Variants in AK8 observed in about 807,000 individuals in gnomAD.
AK8 encodes the protein ATP-AMP transphosphorylase 8.
Under a neutral mutation model 54.6 loss-of-function variants are expected in AK8, and 44 were observed. The observed-to-expected ratio is 0.81, with a 90% CI of 0.63 to 1.04. The LOEUF (loss-of-function observed/expected upper bound fraction) is 1.04, where lower values mean the gene tolerates loss of function less well. AK8 is among the 50% of genes least tolerant of loss of function. The pLI is 0.00. For synonymous variants in AK8, 239 were observed against 245.6 expected (o/e 0.97, Z 0.25); for missense variants, 555 against 613.6 (o/e 0.90, Z 1.01).
chr9:132,727,310 G>T, intron 12 of AK8, 144 bp downstream of exon 12: 1 of 770,546 alleles, frequency 1.3e-6, no homozygotes, highest in Non-Finnish European at 2.2e-6. Context: ...AGAACAGCCA[G>T]TTGGATAAAG....
rs1363695062 is a variant in AK8, at chr9:132,727,550, C to G, written c.1122-16G>C. On this transcript the variant is annotated splice_polypyrimidine_tract_variant and intron_variant, in intron 11 of 12. Coordinates refer to ENST00000298545, the MANE Select transcript of AK8 (RefSeq NM_152572.3). ...GAAAAACACCCTATAAGGAAATAAA[C>G]CATATTAATAATGGTTTTTATTTCC... 6.2e-7 allele frequency: 1 copy of G among 1,606,680 alleles called. No homozygotes were observed. The highest frequency in any genetic ancestry group is 8.5e-7 in the Non-Finnish European group (1 of 1,173,340).
intron 5 of AK8, 60 bp downstream of exon 5, chr9:132,854,797 C>G (rs774731889): frequency 5.7e-5 from 90 of 1,575,152 alleles, no homozygotes; most frequent in Admixed American, 1.3e-4. Flanking sequence ...GAGATGAACA[C>G]ACGCCCTTCA....
chr9:132,805,031 G>T (rs1202906156), intron 10 of AK8, among the ~76,000 whole-genome samples: 2 of 152,196 alleles, frequency 1.3e-5, no homozygotes, highest in African/African-American at 4.8e-5. Flanking sequence ...CAGGAGCACA[G>T]CTCTAGCCAT....
chr9:132,776,557 A>G (rs1347486831), intron 11 of AK8, among the ~76,000 whole-genome samples: 1 of 152,212 alleles, frequency 6.6e-6, no homozygotes, highest in Non-Finnish European at 1.5e-5. Context: ...AAAAGCATGG[A>G]TGAGGCCGTC....
At position 132,781,562 on chromosome 9, in the gene AK8, AT is replaced by A. The variant is rs1839468669; in HGVS notation, c.1121+11071del. 6.6e-6 allele frequency among the ~76,000 whole-genome samples: 1 copy of A among 152,178 alleles called. No individual in the cohort carries two copies. The highest frequency in any genetic ancestry group is 1.5e-5 in the Non-Finnish European group (1 of 68,030). On this transcript the variant is annotated intron_variant, in intron 11 of 12. Coordinates refer to ENST00000298545, the MANE Select transcript of AK8 (RefSeq NM_152572.3). This position sits in a 1 kb window ranked among gnomAD's most constrained non-coding sequence, Gnocchi z 4.6. ...AGTGTGAATATATTTTAATAATAAAATTGATATATATGTAAATTTATTTTAA... is the reference window on the plus strand; with the variant it reads ...AGTGTGAATATATTTTAATAATAAAATGATATATATGTAAATTTATTTTAA...
intron 10 of AK8, among the ~76,000 whole-genome samples, chr9:132,808,920 A>G (rs1252829522): frequency 6.6e-6 from 1 of 152,132 alleles, no homozygotes; most frequent in Admixed American, 6.5e-5. Context: ...AAGACTCTAT[A>G]GTGCCTGGCT....
At chr9:132,827,218 T>C in intron 7 of AK8, 164 bp from the exon 8 acceptor site, 2 of 668,110 alleles carry the variant, frequency 3.0e-6, no homozygotes, top group Non-Finnish European at 5.3e-6. Flanking sequence ...CACTTCCAGC[T>C]ACTCTGAGCC....
intron 2 of AK8, among the ~76,000 whole-genome samples, chr9:132,870,664 T>G (rs755500825): frequency 3.9e-5 from 6 of 152,250 alleles, no homozygotes; most frequent in Non-Finnish European, 8.8e-5. Context: ...CCTCGTGTGC[T>G]CGCTCACCGG....
chr9:132,868,808 C>T (rs1434477405), intron 2 of AK8, among the ~76,000 whole-genome samples: 1 of 152,190 alleles, frequency 6.6e-6, no homozygotes, highest in Non-Finnish European at 1.5e-5. Flanking sequence ...TTTGTCACCA[C>T]CATTACTACT....
chr9:132,865,648 A>T (rs1483288294), intron 3 of AK8, among the ~76,000 whole-genome samples: 6 of 151,958 alleles, frequency 3.9e-5, no homozygotes, highest in African/African-American at 1.5e-4. Context: ...CCCCGTTTCT[A>T]CTAAAAATAC....
At chr9:132,797,472 T>C (rs992357082) in intron 10 of AK8, among the ~76,000 whole-genome samples, 3 of 152,158 alleles carry the variant, frequency 2.0e-5, no homozygotes, top group Non-Finnish European at 4.4e-5. Flanking sequence ...TTCCTCTCAG[T>C]CGTTCCATTC....
intron 5 of AK8, among the ~76,000 whole-genome samples, chr9:132,847,173 A>G (rs1005461668): frequency 1.3e-5 from 2 of 152,242 alleles, no homozygotes; most frequent in Non-Finnish European, 2.9e-5. Context: ...GCCCAGACAC[A>G]GCAGTTCCTG....
Position 132,803,603 on chromosome 9 carries a change from C to A in AK8, c.980-10828G>T, listed in dbSNP as rs1180844817. 1.3e-5 allele frequency among the ~76,000 whole-genome samples: 2 copies of A among 152,116 alleles called. No individual in the cohort carries two copies. Among genetic ancestry groups the A allele is most frequent in the Non-Finnish European group, 2.9e-5 (2 of 68,030 alleles). ...CAAATGGGATCCTAGGAAAGCTCGC[C>A]TTACAGATGGGAAAACTGAAGGGAG... On this transcript the variant is annotated intron_variant, in intron 10 of 12. Transcript: ENST00000298545. The surrounding 1 kb of genome is among the most constrained non-coding windows in gnomAD (Gnocchi z 4.4).
In AK8 at chr9:132,791,246, G is replaced by T. The variant is rs766019827; in HGVS notation, c.1121+1388C>A. Among the ~76,000 whole-genome samples, 3 of 152,152 alleles carry T rather than the reference G, an allele frequency of 2.0e-5. No individual in the cohort carries two copies. Among genetic ancestry groups the T allele is most frequent in the Non-Finnish European group, 4.4e-5 (3 of 68,016 alleles). On this transcript the variant is annotated intron_variant, in intron 11 of 12. Coordinates refer to ENST00000298545, the MANE Select transcript of AK8 (RefSeq NM_152572.3). This position sits in a 1 kb window ranked among gnomAD's most constrained non-coding sequence, Gnocchi z 4.0. Reference sequence around the variant, plus strand: ...GGAGAGAGACAGAGAGAGAGCAAAGGGGGAGGTGCCACACTTTAAAACCAT... The same window carrying T: ...GGAGAGAGACAGAGAGAGAGCAAAGTGGGAGGTGCCACACTTTAAAACCAT...
intron 11 of AK8, among the ~76,000 whole-genome samples, chr9:132,778,662 CG>C (rs1374540037): frequency 6.6e-6 from 1 of 152,100 alleles, no homozygotes; most frequent in Non-Finnish European, 1.5e-5. Flanking sequence ...AATTGTCATA[CG>C]GAAATAAATT....
At chr9:132,802,707 C>A (rs1840522769) in intron 10 of AK8, among the ~76,000 whole-genome samples, 1 of 152,130 alleles carries the variant, frequency 6.6e-6, no homozygotes. Flanking sequence ...AAGCTGACGC[C>A]AGAACTGAGA....
At chr9:132,734,310 A>G (rs1836996245) in intron 11 of AK8, among the ~76,000 whole-genome samples, 1 of 152,186 alleles carries the variant, frequency 6.6e-6, no homozygotes, top group Non-Finnish European at 1.5e-5. Flanking sequence ...TATGGGAGCC[A>G]TGGCTCTAAT....
Position 132,770,452 on chromosome 9 carries a change from A to AG in AK8, c.1121+22181dup, listed in dbSNP as rs1838915267. ...AAGAGCCCAGAACGCTGGCTGGGGT[A>AG]GGGGGTGGGGCAGGGGCGAGGGGAC... On this transcript the variant is annotated intron_variant, in intron 11 of 12. Coordinates refer to ENST00000298545, the MANE Select transcript of AK8 (RefSeq NM_152572.3). This position sits in a 1 kb window ranked among gnomAD's most constrained non-coding sequence, Gnocchi z 4.3. Among the ~76,000 whole-genome samples, 1 of 140,220 alleles carries AG rather than the reference A, an allele frequency of 7.1e-6. No homozygotes were observed. The highest frequency in any genetic ancestry group is 2.6e-5 in the African/African-American group (1 of 38,858). The allele number at this position is 140,220 out of a possible 152,430, so 92.0% of individuals were successfully genotyped here. A position where few individuals can be genotyped will look rare whatever the true frequency, so the allele number is the denominator to read the frequency against.
chr9:132,831,013 A>G, intron 5 of AK8, among the ~76,000 whole-genome samples: 1 of 152,126 alleles, frequency 6.6e-6, no homozygotes, highest in East Asian at 1.9e-4. Flanking sequence ...ACCTGTTCCA[A>G]ACTCACCCAC....
Sources: allele counts gnomAD v4.1 joint callset (sites outside exome capture counted in the v4.1 genomes callset), GRCh38; gene constraint gnomAD v4.1.1; non-coding constraint Gnocchi (gnomAD v3.1); transcripts MANE v1.5; gene names NCBI Gene and HGNC (gene_info 2026-07-23, HGNC 2026-07-21).